ATP6V1H: variants seen among roughly 807,000 people sequenced by gnomAD.
ATP6V1H encodes the protein ATPase H+ transporting V1 subunit H.
ATP6V1H carries 39 observed loss-of-function variants against 71.7 expected under a neutral mutation model. That is an observed-to-expected ratio of 0.54 (90% CI 0.42 to 0.71). The LOEUF (loss-of-function observed/expected upper bound fraction) is 0.71. ATP6V1H is among the 30% of genes least tolerant of loss of function. ATP6V1H has a pLI of 0.00. For synonymous variants in ATP6V1H, 192 were observed against 199.3 expected (o/e 0.96, Z 0.31); for missense variants, 509 against 594.9 (o/e 0.86, Z 1.50).
At chr8:53,731,155 T>C (rs1585724056) in intron 13 of ATP6V1H, among the ~76,000 whole-genome samples, 1 of 151,942 alleles carries the variant, frequency 6.6e-6, no homozygotes, top group Admixed American at 6.6e-5. Context: ...TTGCCTGAAG[T>C]CCTCCTGGTA....
chr8:53,799,790 T>C (rs1003869566), intron 8 of ATP6V1H, among the ~76,000 whole-genome samples: 2 of 152,104 alleles, frequency 1.3e-5, no homozygotes, highest in Non-Finnish European at 2.9e-5. Flanking sequence ...AAAAGGGTCC[T>C]GAGAAAGACC....
intron 8 of ATP6V1H, among the ~76,000 whole-genome samples, 185 bp downstream of exon 8, chr8:53,801,614 C>T (rs958857385): frequency 6.6e-6 from 1 of 152,010 alleles, no homozygotes; most frequent in African/African-American, 2.4e-5. Context: ...TATAAAAGAA[C>T]AGATCAAGCA....
chr8:53,823,305 A>G (rs944800626), intron 4 of ATP6V1H, among the ~76,000 whole-genome samples: 21 of 152,234 alleles, frequency 1.4e-4, no homozygotes, highest in African/African-American at 5.1e-4. Flanking sequence ...TTTGAAATCT[A>G]TAACAAAATG....
intron 9 of ATP6V1H, among the ~76,000 whole-genome samples, chr8:53,773,541 T>C (rs1019186266): frequency 6.6e-6 from 1 of 152,160 alleles, no homozygotes; most frequent in Non-Finnish European, 1.5e-5. Context: ...ATTTTTATCC[T>C]GAAGCTAAGG....
intron 11 of ATP6V1H, among the ~76,000 whole-genome samples, chr8:53,764,722 A>G (rs957496275): frequency 2.6e-5 from 4 of 152,200 alleles, no homozygotes; most frequent in South Asian, 2.1e-4. Flanking sequence ...TAATTACAGC[A>G]AAGTCGCAGG....
At chr8:53,832,934 AC>A in intron 3 of ATP6V1H, 49 bp downstream of exon 3, 1 of 1,295,228 alleles carries the variant, frequency 7.7e-7, no homozygotes, top group Non-Finnish European at 1.1e-6. Context: ...ATTTTTCTAA[AC>A]TTTTGGATGA....
At chr8:53,724,583 C>T (rs1262515337) in intron 13 of ATP6V1H, among the ~76,000 whole-genome samples, 1 of 143,158 alleles carries the variant, frequency 7.0e-6, no homozygotes, top group African/African-American at 2.6e-5. Context: ...TCCCTCCTCC[C>T]CCCTCCCCCT....
intron 13 of ATP6V1H, among the ~76,000 whole-genome samples, chr8:53,728,363 C>A (rs959992933): frequency 5.9e-5 from 9 of 152,030 alleles, no homozygotes; most frequent in Non-Finnish European, 1.2e-4. Context: ...GAAACACTTG[C>A]CAGATTTTTC....
At chr8:53,829,091 T>G (rs550760510) in intron 4 of ATP6V1H, among the ~76,000 whole-genome samples, 1 of 152,178 alleles carries the variant, frequency 6.6e-6, no homozygotes, top group East Asian at 1.9e-4. Context: ...AGCACTGAAA[T>G]GTGTTGACTG....
intron 13 of ATP6V1H, among the ~76,000 whole-genome samples, chr8:53,741,580 T>G (rs886822840): frequency 2.0e-5 from 3 of 152,308 alleles, no homozygotes; most frequent in Admixed American, 6.5e-5. Flanking sequence ...GAAAGAGATA[T>G]AAACAAACCA....
intron 13 of ATP6V1H, among the ~76,000 whole-genome samples, chr8:53,736,701 T>C (rs1807216937): frequency 6.6e-6 from 1 of 152,180 alleles, no homozygotes; most frequent in Non-Finnish European, 1.5e-5. Context: ...TCCATCTGTC[T>C]TGCAGGAAGA....
rs75411329 is a variant in ATP6V1H, at chr8:53,815,774, G to A, written c.421-1008C>T. Among the ~76,000 whole-genome samples, 56 of 152,324 alleles carry A rather than the reference G, an allele frequency of 3.7e-4. No individual in the cohort carries two copies. The East Asian group carries it at 0.01, about 28-fold the overall frequency. ...GATTACTGTTAGGAGGCCAAGGATT[G>A]AAAATATTATCAGCAGTGCATGCAC... On this transcript the variant is annotated intron_variant, in intron 5 of 13. Coordinates refer to ENST00000359530, the MANE Select transcript of ATP6V1H (RefSeq NM_015941.4).
intron 6 of ATP6V1H, among the ~76,000 whole-genome samples, chr8:53,814,448 C>CA (rs1166409407): frequency 6.6e-6 from 1 of 151,924 alleles, no homozygotes; most frequent in Non-Finnish European, 1.5e-5. Context: ...CCCCAAGTGG[C>CA]AGAAAAGACA....
At chr8:53,811,702 T>C (rs188726708) in intron 6 of ATP6V1H, among the ~76,000 whole-genome samples, 169 of 152,366 alleles carry the variant, frequency 1.1e-3, no homozygotes, top group Admixed American at 4.1e-3. Flanking sequence ...AAATGTCATA[T>C]AGAAATGACC....
chr8:53,839,761 C>T (rs1030561188), intron 2 of ATP6V1H: 1 of 985,312 alleles, frequency 1.0e-6, no homozygotes, highest in African/African-American at 1.7e-5. Flanking sequence ...GGCTCTGGGA[C>T]ACACACTCCC....
intron 6 of ATP6V1H, among the ~76,000 whole-genome samples, chr8:53,811,712 C>T (rs1336467695): frequency 6.6e-6 from 1 of 151,936 alleles, no homozygotes; most frequent in Admixed American, 6.6e-5. Flanking sequence ...TAGAAATGAC[C>T]AAAGAAAATT....
chr8:53,817,645 GTA>G (rs1166695533), intron 4 of ATP6V1H, 115 bp from the exon 5 acceptor site: 2 of 617,788 alleles, frequency 3.2e-6, no homozygotes, highest in Admixed American at 2.9e-5. Flanking sequence ...CAGTGTGTGT[GTA>G]TGTGTGATTT....
chr8:53,800,452 T>C (rs551619504), intron 8 of ATP6V1H, among the ~76,000 whole-genome samples: 4 of 152,226 alleles, frequency 2.6e-5, no homozygotes, highest in South Asian at 2.1e-4. Context: ...AACAAAGAGA[T>C]AGATTGCACT....
At chr8:53,814,087 A>G (rs963809358) in intron 6 of ATP6V1H, among the ~76,000 whole-genome samples, 4 of 152,218 alleles carry the variant, frequency 2.6e-5, no homozygotes, top group Admixed American at 2.6e-4. Flanking sequence ...GGTGGCACCC[A>G]GGACCAGTTT....
Sources: gnomAD v4.1 joint callset for allele counts (sites outside exome capture counted in the v4.1 genomes callset) on GRCh38, gnomAD v4.1.1 for gene constraint, MANE v1.5 for transcripts, NCBI Gene and HGNC (gene_info 2026-07-23, HGNC 2026-07-21) for gene names.